Variants in CNTNAP5 observed in about 807,000 individuals in gnomAD.
CNTNAP5 encodes contactin associated protein family member 5.
Under a neutral mutation model 150.2 loss-of-function variants are expected in CNTNAP5, and 72 were observed. The observed-to-expected ratio is 0.48, with a 90% CI of 0.40 to 0.58. The LOEUF is 0.58. Ranked by LOEUF, CNTNAP5 falls within the 20% of genes least tolerant of loss-of-function variation. The pLI is 0.00. For synonymous variants in CNTNAP5, 672 were observed against 619.8 expected (o/e 1.08, Z -1.25); for missense variants, 1,636 against 1,626.2 (o/e 1.01, Z -0.10).
chr2:124,772,962 G>C lies in CNTNAP5; in HGVS notation c.2697G>C (p.Arg899Ser). Residue 899 changes from arginine (R) to serine (S), a missense_variant, in exon 17 of 24, where the codon AGG becomes AGC. Arg to Ser is a moderately radical substitution (Grantham distance 110). Coordinates refer to ENST00000682447, the MANE Select transcript of CNTNAP5 (RefSeq NM_001367498.1). ...LQVDNLPRST[R>S]ETSEEGHFRL... is the part of the protein sequence containing the mutation. ...TGGACAACCTTCCAAGGAGCACCAGGGAGACGTCGGAGGAGGGCCATTTTC... is the reference window on the plus strand; with the variant it reads ...TGGACAACCTTCCAAGGAGCACCAGCGAGACGTCGGAGGAGGGCCATTTTC... 9.3e-6 allele frequency: 15 copies of C among 1,613,650 alleles called. No homozygotes were observed. Among genetic ancestry groups the C allele is most frequent in the Non-Finnish European group, 1.3e-5 (15 of 1,179,710 alleles).
chr2:124,578,343 A>G (rs1351000932), intron 11 of CNTNAP5, among the ~76,000 whole-genome samples: 1 of 151,492 alleles, frequency 6.6e-6, no homozygotes, highest in Non-Finnish European at 1.5e-5. Flanking sequence ...AAAAAAAAAA[A>G]AAAAAGATGC....
chr2:124,288,488 T>C (rs1688208933), intron 3 of CNTNAP5, among the ~76,000 whole-genome samples: 3 of 152,186 alleles, frequency 2.0e-5, no homozygotes, highest in Non-Finnish European at 4.4e-5. Flanking sequence ...GTAAATAGAA[T>C]TTTAAAAATT....
Position 124,713,302 on chromosome 2 carries a change from T to TC in CNTNAP5, c.2078-33927_2078-33926insC, listed in dbSNP as rs1478416978. On this transcript the variant is annotated intron_variant, in intron 13 of 23. Transcript: ENST00000682447. ...CTTTCTTTCTTTCTTTCTTTCTTTCTTCTTTCTCTTTCTTTCCTTTCTTTC... is the reference window on the plus strand; with the variant it reads ...CTTTCTTTCTTTCTTTCTTTCTTTCTCTCTTTCTCTTTCTTTCCTTTCTTTC... 1.0e-3 allele frequency among the ~76,000 whole-genome samples: 105 copies of TC among 101,684 alleles called. 4 individuals carry two copies. Among genetic ancestry groups the TC allele is most frequent in the Admixed American group, 4.8e-3 (48 of 9,952 alleles). 66.7% of individuals were successfully genotyped at this position (101,684 alleles called of 152,430 possible). A position where few individuals can be genotyped will look rare whatever the true frequency, so the allele number is the denominator to read the frequency against.
At chr2:124,314,383 A>G (rs766056008) in intron 3 of CNTNAP5, among the ~76,000 whole-genome samples, 5 of 152,182 alleles carry the variant, frequency 3.3e-5, no homozygotes, top group Non-Finnish European at 7.3e-5. Flanking sequence ...GACTCATTTG[A>G]ATCTCCGTAG....
rs3034804 is a variant in CNTNAP5 at position 124,443,813 on chromosome 2, C to CGTGTGTGTGTGT, written c.734-2912_734-2901dup. On this transcript the variant is annotated intron_variant, in intron 5 of 23. Coordinates refer to ENST00000682447, the MANE Select transcript of CNTNAP5 (RefSeq NM_001367498.1). ...TTGGGGAAAGGGTGTAATTCCTTGC[C>CGTGTGTGTGTGT]GTGTGTGTGTGTGTGTGTGTGTGTG... 1.6e-4 allele frequency among the ~76,000 whole-genome samples: 23 copies of CGTGTGTGTGTGT among 143,736 alleles called. 1 individual carries two copies. Among genetic ancestry groups the CGTGTGTGTGTGT allele is most frequent in the African/African-American group, 2.3e-4 (9 of 38,516 alleles). The allele number at this position is 143,736 out of a possible 152,430, so 94.3% of individuals were successfully genotyped here.
chr2:124,087,784 T>C (rs1682727112), intron 1 of CNTNAP5, among the ~76,000 whole-genome samples: 1 of 149,894 alleles, frequency 6.7e-6, no homozygotes, highest in African/African-American at 2.5e-5. Flanking sequence ...TTTTCTGAAC[T>C]CCATGGTTTC....
Position 124,242,411 on chromosome 2 carries a change from T to G in CNTNAP5, c.381+18T>G, listed in dbSNP as rs747043824. 20 of 1,604,438 alleles carry G rather than the reference T, an allele frequency of 1.2e-5. No individual in the cohort carries two copies. Among genetic ancestry groups the G allele is most frequent in the Non-Finnish European group, 1.7e-5 (20 of 1,174,046 alleles). Reference sequence around the variant, plus strand: ...GCATCTGGGTAGGACATCTTTTTCCTTCCAATGAATAAAACTGAGATGTGC... The same window carrying G: ...GCATCTGGGTAGGACATCTTTTTCCGTCCAATGAATAAAACTGAGATGTGC... On this transcript the variant is annotated intron_variant, in intron 3 of 23. Transcript: ENST00000682447.
intron 7 of CNTNAP5, among the ~76,000 whole-genome samples, chr2:124,500,869 C>G (rs1052564602): frequency 1.3e-5 from 2 of 152,154 alleles, no homozygotes; most frequent in Non-Finnish European, 2.9e-5. Context: ...GGACCAGTGA[C>G]TTGTGGCAGT....
chr2:124,085,196 A>G (rs574175376), intron 1 of CNTNAP5, among the ~76,000 whole-genome samples: 61 of 152,254 alleles, frequency 4.0e-4, no homozygotes, highest in Non-Finnish European at 7.5e-4. Context: ...CTGGGATTAT[A>G]GGCATGAGCC....
intron 13 of CNTNAP5, among the ~76,000 whole-genome samples, chr2:124,660,043 A>AAGAAAGGAAGGAAGGAAGGAAGGAAGG (rs1558724333): frequency 7.6e-6 from 1 of 130,836 alleles, no homozygotes. Context: ...AGGAAGGAAG[A>AAGAAAGGAAGGAAGGAAGGAAGGAAGG]AAGGAAGGAA....
chr2:124,639,616 GACA>G (rs1678047976), intron 12 of CNTNAP5, among the ~76,000 whole-genome samples: 1 of 133,372 alleles, frequency 7.5e-6, no homozygotes. Context: ...TAAACAGAGG[GACA>G]ACAAGTACTA....
chr2:124,506,928 C>T (rs766136693), intron 8 of CNTNAP5, among the ~76,000 whole-genome samples: 1 of 152,138 alleles, frequency 6.6e-6, no homozygotes, highest in Non-Finnish European at 1.5e-5. Context: ...AGAAAATCCA[C>T]TTCCACATGT....
chr2:124,598,745 C>T (rs1023641436), intron 11 of CNTNAP5, among the ~76,000 whole-genome samples: 3 of 152,090 alleles, frequency 2.0e-5, no homozygotes, highest in Non-Finnish European at 2.9e-5. Context: ...CCCCCAGCCT[C>T]GCTGCCGCCT....
intron 12 of CNTNAP5, among the ~76,000 whole-genome samples, chr2:124,640,344 TG>T (rs1476374954): frequency 6.6e-6 from 1 of 152,168 alleles, no homozygotes; most frequent in Non-Finnish European, 1.5e-5. Flanking sequence ...GTATGTTGTC[TG>T]GAAGTCGTAA....
At chr2:124,895,955 A>G (rs545259222) in intron 21 of CNTNAP5, among the ~76,000 whole-genome samples, 1 of 151,662 alleles carries the variant, frequency 6.6e-6, no homozygotes, top group South Asian at 2.1e-4. Flanking sequence ...GAGTCGGTGC[A>G]TGGGCCATGC....
At chr2:124,030,936 C>T (rs1681030654) in intron 1 of CNTNAP5, among the ~76,000 whole-genome samples, 1 of 152,070 alleles carries the variant, frequency 6.6e-6, no homozygotes, top group Non-Finnish European at 1.5e-5. Flanking sequence ...TTATGAATTC[C>T]TTGTCCTAGC....
At chr2:124,583,939 A>G (rs1437818072) in intron 11 of CNTNAP5, among the ~76,000 whole-genome samples, 1 of 152,182 alleles carries the variant, frequency 6.6e-6, no homozygotes, top group African/African-American at 2.4e-5. Flanking sequence ...TCCTGGCCCC[A>G]GCATGTCCTC....
At position 124,902,813 on chromosome 2, in the gene CNTNAP5, G is replaced by A. The variant is rs1325739679; in HGVS notation, c.3437-69G>A. The A allele has an allele frequency of 2.1e-5, 23 of 1,071,094 alleles. No homozygotes were observed. In the East Asian group the frequency reaches 5.2e-4, roughly 24 times the overall value. 66.3% of individuals were successfully genotyped at this position (1,071,094 alleles called of 1,614,324 possible). A position where few individuals can be genotyped will look rare whatever the true frequency, so the allele number is the denominator to read the frequency against. On this transcript the variant is annotated intron_variant, in intron 21 of 23. Coordinates refer to ENST00000682447, the MANE Select transcript of CNTNAP5 (RefSeq NM_001367498.1). ...TCTGTAATTTTAGATACTACTCAAA[G>A]AGGACCCAGCATATAATTTGGAAAA...
intron 8 of CNTNAP5, among the ~76,000 whole-genome samples, chr2:124,511,978 C>T (rs777731370): frequency 3.4e-5 from 5 of 148,584 alleles, no homozygotes; most frequent in South Asian, 2.1e-4. Context: ...TGTGTGTGTG[C>T]GCACATCTAT....
Sources: gnomAD v4.1 joint callset for allele counts (sites outside exome capture counted in the v4.1 genomes callset) on GRCh38, gnomAD v4.1.1 for gene constraint, MANE v1.5 for transcripts, NCBI Gene and HGNC (gene_info 2026-07-23, HGNC 2026-07-21) for gene names.